The following SLC36A1 variants were observed in gnomAD, a reference collection of about 807,000 sequenced individuals.
SLC36A1 encodes the protein solute carrier family 36 member 1, also known as proton-coupled amino acid transporter 1.
SLC36A1 carries 30 observed loss-of-function variants against 47.5 expected under a neutral mutation model. The ratio of observed to expected loss-of-function variants is 0.63; its 90% CI spans 0.47 to 0.86. The LOEUF (loss-of-function observed/expected upper bound fraction) is 0.86. Ranked by LOEUF, SLC36A1 falls within the 40% of genes least tolerant of loss-of-function variation. The pLI, the probability that SLC36A1 is intolerant of heterozygous loss-of-function variation, is 0.00. For synonymous variants in SLC36A1, 255 were observed against 249.7 expected (o/e 1.02, Z -0.20); for missense variants, 517 against 606.0 (o/e 0.85, Z 1.54).
the SLC36A1 span, among the ~76,000 whole-genome samples, chr5:151,386,261 T>C: frequency 6.6e-6 from 1 of 152,174 alleles, no homozygotes; most frequent in Non-Finnish European, 1.5e-5. Flanking sequence ...GCTTCATGTC[T>C]ATAAATGGCA....
the SLC36A1 span, among the ~76,000 whole-genome samples, chr5:151,427,428 A>G: frequency 6.6e-6 from 1 of 152,168 alleles, no homozygotes. Flanking sequence ...GACTATTTGC[A>G]CCTGTTCTGG....
chr5:151,531,495 T>C, the SLC36A1 span: 1 of 1,527,454 alleles, frequency 6.5e-7, no homozygotes, highest in South Asian at 1.2e-5. This position sits in a 1 kb window ranked among gnomAD's most constrained non-coding sequence, Gnocchi z 5.7. Flanking sequence ...TGGGAGGCGC[T>C]GCACAGGGTA....
At chr5:151,467,042 C>T (rs1049000802) in intron 5 of SLC36A1, among the ~76,000 whole-genome samples, 157 bp from the exon 6 acceptor site, 6 of 152,170 alleles carry the variant, frequency 3.9e-5, no homozygotes, top group African/African-American at 4.8e-5. Context: ...GTACACTAAA[C>T]GCCCAGGCAC....
the SLC36A1 span, chr5:151,542,852 A>C: frequency 1.2e-6 from 2 of 1,614,046 alleles, no homozygotes; most frequent in African/African-American, 2.7e-5. Context: ...AATTTGGTGG[A>C]TTCGTGGTCC....
intron 1 of SLC36A1, among the ~76,000 whole-genome samples, chr5:151,448,418 C>T (rs968199678): frequency 2.6e-5 from 4 of 152,210 alleles, no homozygotes; most frequent in African/African-American, 9.6e-5. Context: ...TAGCTGTCTG[C>T]ATTTTCCACC....
chr5:151,457,568 A>G (rs2127467652), intron 1 of SLC36A1, among the ~76,000 whole-genome samples: 1 of 152,260 alleles, frequency 6.6e-6, no homozygotes, highest in Admixed American at 6.5e-5. Context: ...AGAGTTGTGG[A>G]TGGGAGATGT....
chr5:151,398,224 G>A, the SLC36A1 span, among the ~76,000 whole-genome samples: 15 of 152,122 alleles, frequency 9.9e-5, no homozygotes, highest in South Asian at 2.1e-4. Flanking sequence ...GTAGCTTTGC[G>A]TCCCATGGGT....
the SLC36A1 span, among the ~76,000 whole-genome samples, chr5:151,367,300 C>CTCAG: frequency 2.0e-5 from 3 of 150,816 alleles, no homozygotes; most frequent in Non-Finnish European, 4.4e-5. Context: ...CAGTCCTTAT[C>CTCAG]TCAACGGCAC....
chr5:151,467,304 G>GAAAAAAAA, intron 6 of SLC36A1, 21 bp downstream of exon 6: 10 of 807,248 alleles, frequency 1.2e-5, no homozygotes, highest in South Asian at 9.0e-5. Context: ...GGTTAAAAAA[G>GAAAAAAAA]AAAAAAAAAA....
At chr5:151,466,930 C>T (rs761438086) in intron 5 of SLC36A1, among the ~76,000 whole-genome samples, 2 of 152,158 alleles carry the variant, frequency 1.3e-5, no homozygotes, top group South Asian at 4.1e-4. Flanking sequence ...CCTGCCAGGG[C>T]ATCTCGTCCT....
At chr5:151,546,424 C>A in the SLC36A1 span, 1 of 1,001,140 alleles carries the variant, frequency 1.0e-6, no homozygotes, top group Non-Finnish European at 1.5e-6. Flanking sequence ...GTCTATCACA[C>A]AAAACCTGGA....
At chr5:151,531,724 A>G in the SLC36A1 span, 2 of 1,613,758 alleles carry the variant, frequency 1.2e-6, no homozygotes, top group Admixed American at 3.3e-5. The surrounding 1 kb of genome is among the most constrained non-coding windows in gnomAD (Gnocchi z 5.7). Context: ...GGGCACCTGC[A>G]CGCTGTGCTC....
At chr5:151,348,669 T>C in the SLC36A1 span, among the ~76,000 whole-genome samples, 1 of 152,190 alleles carries the variant, frequency 6.6e-6, no homozygotes, top group African/African-American at 2.4e-5. Context: ...CCCTTCTCCA[T>C]GGGATAAGCT....
chr5:151,462,374 C>CT (rs34114557), intron 2 of SLC36A1, among the ~76,000 whole-genome samples: 17,114 of 140,800 alleles, frequency 0.12, 1,448 homozygotes, highest in East Asian at 0.39. Context: ...TTTTTTTTTT[C>CT]TTTTTTTTTT....
chr5:151,354,891 A>T, the SLC36A1 span, among the ~76,000 whole-genome samples: 4 of 152,156 alleles, frequency 2.6e-5, no homozygotes, highest in Non-Finnish European at 4.4e-5. Context: ...CCAAAGGAAA[A>T]TCAGAGAATA....
At chr5:151,382,691 G>A in the SLC36A1 span, among the ~76,000 whole-genome samples, 15 of 152,254 alleles carry the variant, frequency 9.9e-5, no homozygotes, top group East Asian at 7.7e-4. Flanking sequence ...AACTCATTGC[G>A]CCAAATCTGA....
chr5:151,465,042 T>C (rs1756132950), intron 4 of SLC36A1, 32 bp from the exon 5 acceptor site: 2 of 1,540,226 alleles, frequency 1.3e-6, no homozygotes, highest in African/African-American at 1.4e-5. Flanking sequence ...ATCCACGTGC[T>C]CTGTCCTTCC....
intron 10 of SLC36A1, among the ~76,000 whole-genome samples, chr5:151,482,356 A>G (rs1254025214): frequency 1.3e-5 from 2 of 151,980 alleles, no homozygotes; most frequent in Admixed American, 6.6e-5. Context: ...TCTGACCTCT[A>G]AGGTTTCTCT....
the SLC36A1 span, among the ~76,000 whole-genome samples, chr5:151,548,591 C>T: frequency 6.6e-6 from 1 of 152,140 alleles, no homozygotes; most frequent in Non-Finnish European, 1.5e-5. Context: ...AGCGATTCTC[C>T]TCCCTCAGCC....
Sources: gnomAD v4.1 joint callset for allele counts (sites outside exome capture counted in the v4.1 genomes callset) on GRCh38, gnomAD v4.1.1 for gene constraint, Gnocchi (gnomAD v3.1) non-coding constraint, MANE v1.5 for transcripts, NCBI Gene and HGNC (gene_info 2026-07-23, HGNC 2026-07-21) for gene names.